NPAS3: variants seen among roughly 807,000 people sequenced by gnomAD.
The protein encoded by NPAS3 is neuronal PAS domain protein 3.
Under a neutral mutation model 73.1 loss-of-function variants are expected in NPAS3, and 14 were observed. The ratio of observed to expected loss-of-function variants is 0.19; its 90% confidence interval spans 0.13 to 0.30. The LOEUF is 0.30. Ranked by LOEUF, NPAS3 falls within the 10% of genes least tolerant of loss-of-function variation. The pLI is 1.00. For missense variants in NPAS3, 1,096 were observed against 1,250.0 expected (o/e 0.88, Z 1.86); for synonymous variants, 620 against 541.5 (o/e 1.14, Z -2.01).
intron 1 of NPAS3, among the ~76,000 whole-genome samples, chr14:33,007,808 C>T (rs2039049730): frequency 1.3e-5 from 2 of 152,284 alleles, no homozygotes; most frequent in South Asian, 2.1e-4. Flanking sequence ...TCTGTCACAA[C>T]CATTCAGCTC....
chr14:33,423,728 TTAAA>T (rs1250676738), intron 4 of NPAS3, among the ~76,000 whole-genome samples: 2 of 151,880 alleles, frequency 1.3e-5, no homozygotes, highest in Non-Finnish European at 2.9e-5. Flanking sequence ...AAAGCAGACT[TTAAA>T]TAAATAACTG....
chr14:33,089,836 C>A (rs2042164122), intron 2 of NPAS3, among the ~76,000 whole-genome samples: 1 of 152,102 alleles, frequency 6.6e-6, no homozygotes, highest in African/African-American at 2.4e-5. Context: ...AGAGTGGAGG[C>A]CAATATTCAA....
At chr14:33,726,608 T>G (rs34771877) in intron 6 of NPAS3, among the ~76,000 whole-genome samples, 44,039 of 152,024 alleles carry the variant, frequency 0.29, 7,146 homozygotes, top group Middle Eastern at 0.39. Flanking sequence ...AGTCTCTTAC[T>G]CTGTGTTATT....
At chr14:33,140,964 CT>C in intron 2 of NPAS3, among the ~76,000 whole-genome samples, 1 of 152,180 alleles carries the variant, frequency 6.6e-6, no homozygotes, top group East Asian at 1.9e-4. Context: ...ATGTTTGCCT[CT>C]TCTTTGCTTT....
chr14:33,779,980 C>T (rs1849820507), intron 9 of NPAS3, among the ~76,000 whole-genome samples: 1 of 152,192 alleles, frequency 6.6e-6, no homozygotes, highest in Admixed American at 6.5e-5. Context: ...CTTTCCTGCC[C>T]TTTGCAATTA....
chr14:33,498,137 A>T (rs575260190), intron 4 of NPAS3, among the ~76,000 whole-genome samples: 1 of 152,336 alleles, frequency 6.6e-6, no homozygotes, highest in East Asian at 1.9e-4. Context: ...CAAAACTGCT[A>T]TGAGATGCTA....
intron 4 of NPAS3, among the ~76,000 whole-genome samples, chr14:33,543,439 C>T (rs1385907326): frequency 6.6e-6 from 1 of 152,158 alleles, no homozygotes; most frequent in African/African-American, 2.4e-5. Flanking sequence ...CAGTCCATTA[C>T]ACTTTGGCCT....
intron 1 of NPAS3, among the ~76,000 whole-genome samples, chr14:32,997,153 C>T (rs974199357): frequency 1.3e-5 from 2 of 152,142 alleles, no homozygotes; most frequent in Admixed American, 6.5e-5. Context: ...GTGCATGGGG[C>T]CTGTAGCCCC....
intron 7 of NPAS3, among the ~76,000 whole-genome samples, chr14:33,748,497 T>C (rs141289479): frequency 4.9e-4 from 74 of 152,288 alleles, no homozygotes; most frequent in African/African-American, 1.6e-3. Flanking sequence ...TAGTTTTGAA[T>C]ATATTTAACA....
At chr14:33,626,203 T>C (rs1358939856) in intron 5 of NPAS3, among the ~76,000 whole-genome samples, 4 of 152,200 alleles carry the variant, frequency 2.6e-5, no homozygotes, top group Non-Finnish European at 4.4e-5. Flanking sequence ...AATACGAATC[T>C]ACAAACATCT....
chr14:33,693,170 T>A (rs2060280273), intron 6 of NPAS3, among the ~76,000 whole-genome samples: 1 of 152,226 alleles, frequency 6.6e-6, no homozygotes, highest in Non-Finnish European at 1.5e-5. Flanking sequence ...ACCTGTGGTA[T>A]CAATTTGTTG....
At chr14:33,229,185 CAAACAACT>C (rs2047749387) in intron 3 of NPAS3, among the ~76,000 whole-genome samples, 1 of 152,132 alleles carries the variant, frequency 6.6e-6, no homozygotes, top group Non-Finnish European at 1.5e-5. Context: ...ATATACTTAC[CAAACAACT>C]AAAGGCATGA....
chr14:33,598,978 C>T (rs1045421492), intron 5 of NPAS3, among the ~76,000 whole-genome samples: 2 of 152,204 alleles, frequency 1.3e-5, no homozygotes, highest in African/African-American at 4.8e-5. Context: ...ATTTCTCAGA[C>T]TTTGGCACAT....
chr14:33,202,647 A>T (rs2046663568), intron 2 of NPAS3, among the ~76,000 whole-genome samples: 1 of 152,062 alleles, frequency 6.6e-6, no homozygotes, highest in African/African-American at 2.4e-5. Context: ...TTAATATCCT[A>T]ACTACTGAGA....
At chr14:32,935,127 C>G, upstream of NPAS3, 2 of 378,982 alleles carry the variant, frequency 5.3e-6, no homozygotes, top group Non-Finnish European at 7.7e-6. Context: ...CTTTGCCTGC[C>G]CCTCGTTCTA....
intron 6 of NPAS3, chr14:33,680,913 A>AGGATCATCATTATAGTAGT: frequency 2.1e-6 from 1 of 477,458 alleles, no homozygotes; most frequent in Non-Finnish European, 3.7e-6. Context: ...TTGTGGCATT[A>AGGATCATCATTATAGTAGT]GGATCATCAT....
chr14:33,209,274 C>CA (rs147576894), intron 2 of NPAS3, among the ~76,000 whole-genome samples: 1,506 of 149,150 alleles, frequency 0.01, 23 homozygotes, highest in African/African-American at 0.034. Context: ...ACAACCATGC[C>CA]AAAAAAAAAT....
At chr14:33,330,100 A>G (rs537436238) in intron 3 of NPAS3, among the ~76,000 whole-genome samples, 1 of 152,184 alleles carries the variant, frequency 6.6e-6, no homozygotes, top group Non-Finnish European at 1.5e-5. Context: ...GAAATTAGCC[A>G]GGTGTGGTGG....
intron 5 of NPAS3, among the ~76,000 whole-genome samples, chr14:33,590,112 G>C (rs1003730432): frequency 6.6e-6 from 1 of 152,136 alleles, no homozygotes; most frequent in African/African-American, 2.4e-5. Flanking sequence ...ATTTATATAA[G>C]TTCAAAGCCT....
Sources: allele counts gnomAD v4.1 joint callset (sites outside exome capture counted in the v4.1 genomes callset), GRCh38; gene constraint gnomAD v4.1.1; transcripts MANE v1.5; gene names NCBI Gene and HGNC (gene_info 2026-07-23, HGNC 2026-07-21).